C1GALT1: variants seen among roughly 807,000 people sequenced by gnomAD.
C1GALT1 encodes glycoprotein-N-acetylgalactosamine 3-beta-galactosyltransferase 1.
Under a neutral mutation model 31.0 loss-of-function variants are expected in C1GALT1, and 11 were observed. The observed-to-expected ratio is 0.36, with a 90% CI of 0.22 to 0.59. C1GALT1 has a LOEUF of 0.59. Among genes scored for constraint, C1GALT1 ranks in the 20% least tolerant of loss-of-function variants. C1GALT1 has a pLI of 0.79. For missense variants in C1GALT1, 424 were observed against 425.2 expected, an observed-to-expected ratio of 1.00 and a Z score of 0.03; for synonymous variants, 175 against 143.6, an observed-to-expected ratio of 1.22 and a Z score of -1.56.
intron 2 of C1GALT1, among the ~76,000 whole-genome samples, chr7:7,173,010 G>A (rs764239928): frequency 2.1e-4 from 32 of 152,088 alleles, no homozygotes; most frequent in African/African-American, 5.6e-4. Context: ...GTCTGCAACC[G>A]TTCCAGATTA....
intron 3 of C1GALT1, 174 bp downstream of exon 3, chr7:7,239,096 A>G (rs1783504714): frequency 1.7e-6 from 1 of 595,438 alleles, no homozygotes; most frequent in African/African-American, 1.9e-5. Context: ...ATCAGCAATC[A>G]GCAGTAGTCA....
chr7:7,237,928 C>G (rs1375931715), intron 2 of C1GALT1, among the ~76,000 whole-genome samples: 1 of 152,178 alleles, frequency 6.6e-6, no homozygotes, highest in Non-Finnish European at 1.5e-5. Flanking sequence ...GATTCTGAGT[C>G]AGTAGGTCTG....
intron 2 of C1GALT1, among the ~76,000 whole-genome samples, chr7:7,160,873 G>GA (rs1203131297): frequency 6.6e-6 from 1 of 151,444 alleles, no homozygotes; most frequent in Non-Finnish European, 1.5e-5. Flanking sequence ...AACTATAGCT[G>GA]AAAAAAACCT....
chr7:7,179,757 C>A (rs1780548976), upstream of C1GALT1, among the ~76,000 whole-genome samples: 1 of 151,598 alleles, frequency 6.6e-6, no homozygotes, highest in South Asian at 2.1e-4. Flanking sequence ...TGGACCTAGG[C>A]ACCTCTGGTG....
chr7:7,183,358 G>T (rs1003969760), intron 1 of C1GALT1, among the ~76,000 whole-genome samples: 4 of 152,192 alleles, frequency 2.6e-5, no homozygotes, highest in Admixed American at 6.5e-5. Flanking sequence ...CCTTCCAGAG[G>T]TGCCTGGAGC....
At position 7,239,002 on chromosome 7, in the gene C1GALT1, GTTTC is replaced by G. The variant is rs1199931108; in HGVS notation, c.888+84_888+87del. ...GATAAAAACATGTTAATATGTGTATGTTTCTTTAGTACCAACAACAAGGACTCTT... is the reference window on the plus strand; with the variant it reads ...GATAAAAACATGTTAATATGTGTATGTTTAGTACCAACAACAAGGACTCTT... On this transcript the variant is annotated intron_variant, in intron 3 of 3. Coordinates refer to ENST00000436587, the MANE Select transcript of C1GALT1 (RefSeq NM_020156.5). 5 of 1,123,004 alleles carry G rather than the reference GTTTC, an allele frequency of 4.5e-6. 1 individual carries two copies. The South Asian group carries it at 7.8e-5, about 17-fold the overall frequency. 69.6% of individuals were successfully genotyped at this position (1,123,004 alleles called of 1,614,324 possible).
chr7:7,204,495 T>A (rs140282753), intron 1 of C1GALT1, among the ~76,000 whole-genome samples: 2 of 152,210 alleles, frequency 1.3e-5, no homozygotes, highest in East Asian at 3.9e-4. Context: ...GTTTTGTTCC[T>A]TTTTGAAGAA....
At position 7,199,131 on chromosome 7, in the gene C1GALT1, G is replaced by T. The variant is rs528609092; in HGVS notation, c.-18+16311G>T. Among the ~76,000 whole-genome samples, 9 of 151,908 alleles carry T rather than the reference G, an allele frequency of 5.9e-5. No homozygotes were observed. The South Asian group carries it at 1.9e-3, about 32-fold the overall frequency. On this transcript the variant is annotated intron_variant, in intron 1 of 3. Transcript: ENST00000436587. Reference sequence around the variant, plus strand: ...CTGGATCTTTTAATTGTGATGTCAGGGTGTCAATTTTAGATCTTTCCTGCT... The same window carrying T: ...CTGGATCTTTTAATTGTGATGTCAGTGTGTCAATTTTAGATCTTTCCTGCT...
chr7:7,218,419 T>C (rs1782350342), intron 1 of C1GALT1, among the ~76,000 whole-genome samples: 1 of 152,176 alleles, frequency 6.6e-6, no homozygotes, highest in African/African-American at 2.4e-5. Flanking sequence ...TATGGGGTTG[T>C]TTGCAGATAG....
chr7:7,174,061 C>T (rs11773401), intron 2 of C1GALT1, among the ~76,000 whole-genome samples: 17,424 of 152,022 alleles, frequency 0.11, 1,043 homozygotes, highest in East Asian at 0.21. Flanking sequence ...TATAGGCAGC[C>T]GTCTTTTTTT....
intron 2 of C1GALT1, among the ~76,000 whole-genome samples, chr7:7,169,005 T>A (rs1780425574): frequency 6.6e-6 from 1 of 152,212 alleles, no homozygotes; most frequent in Non-Finnish European, 1.5e-5. Context: ...ACAAATTCAA[T>A]AACCATTAAG....
At chr7:7,172,856 G>A (rs1780468638) in intron 2 of C1GALT1, among the ~76,000 whole-genome samples, 1 of 152,118 alleles carries the variant, frequency 6.6e-6, no homozygotes, top group African/African-American at 2.4e-5. Context: ...CACTCATGGT[G>A]TTATACATTC....
intron 2 of C1GALT1, among the ~76,000 whole-genome samples, chr7:7,236,273 C>T (rs554313810): frequency 1.3e-5 from 2 of 152,210 alleles, no homozygotes; most frequent in East Asian, 3.9e-4. Flanking sequence ...CAGTACAAAG[C>T]AATTAGTGAA....
chr7:7,196,115 C>T (rs1781275219), intron 1 of C1GALT1, among the ~76,000 whole-genome samples: 1 of 152,052 alleles, frequency 6.6e-6, no homozygotes, highest in African/African-American at 2.4e-5. Context: ...GCACAACGTG[C>T]ACGTTTGTTA....
intron 1 of C1GALT1, among the ~76,000 whole-genome samples, chr7:7,212,933 C>G (rs1396824260): frequency 1.3e-5 from 2 of 152,034 alleles, no homozygotes; most frequent in Non-Finnish European, 1.5e-5. Context: ...AAAACATGCT[C>G]CAAATTTTGT....
At chr7:7,171,191 A>C (rs2128227375) in intron 2 of C1GALT1, among the ~76,000 whole-genome samples, 1 of 152,238 alleles carries the variant, frequency 6.6e-6, no homozygotes, top group East Asian at 1.9e-4. Flanking sequence ...TCATTTTTGA[A>C]AGTAAGTATT....
intron 1 of C1GALT1, among the ~76,000 whole-genome samples, chr7:7,190,442 C>A (rs1452102121): frequency 6.6e-6 from 1 of 152,120 alleles, no homozygotes; most frequent in Non-Finnish European, 1.5e-5. Flanking sequence ...GTTCCATTCT[C>A]ACTTTATAAA....
At chr7:7,240,619 A>T (rs183595215) in intron 3 of C1GALT1, among the ~76,000 whole-genome samples, 1 of 152,176 alleles carries the variant, frequency 6.6e-6, no homozygotes, top group South Asian at 2.1e-4. Context: ...CTGATGTTGG[A>T]TACACATACA....
intron 2 of C1GALT1, among the ~76,000 whole-genome samples, chr7:7,171,684 A>G (rs968227809): frequency 1.3e-5 from 2 of 151,480 alleles, no homozygotes; most frequent in African/African-American, 4.9e-5. Flanking sequence ...GCCTTCTTTT[A>G]TGTTTAGTTG....
Sources: gnomAD v4.1 joint callset for allele counts (sites outside exome capture counted in the v4.1 genomes callset) on GRCh38, gnomAD v4.1.1 for gene constraint, MANE v1.5 for transcripts, NCBI Gene and HGNC (gene_info 2026-07-23, HGNC 2026-07-21) for gene names.